PLEKHA5: variants seen among roughly 807,000 people sequenced by gnomAD.
The protein encoded by PLEKHA5 is pleckstrin homology domain containing A5, also known as pleckstrin homology domain-containing family A member 5.
In PLEKHA5, 55 loss-of-function variants were observed where a neutral mutation model predicts 181.9. The observed-to-expected ratio is 0.30, with a 90% CI of 0.24 to 0.38. The LOEUF is 0.38. PLEKHA5 is among the 10% of genes least tolerant of loss of function. The pLI is 1.00. For synonymous variants in PLEKHA5, 535 were observed against 529.4 expected (o/e 1.01, Z -0.15); for missense variants, 1,432 against 1,549.5 (o/e 0.92, Z 1.27).
intron 3 of PLEKHA5, among the ~76,000 whole-genome samples, chr12:19,159,102 T>C (rs2042400014): frequency 6.6e-6 from 1 of 152,178 alleles, no homozygotes; most frequent in African/African-American, 2.4e-5. Context: ...TCTCAGCCTC[T>C]GTCATAAAAA....
chr12:19,205,768 C>T (rs2055308706), intron 3 of PLEKHA5, among the ~76,000 whole-genome samples: 1 of 151,988 alleles, frequency 6.6e-6, no homozygotes, highest in African/African-American at 2.4e-5. Context: ...TTTTTTTGGA[C>T]AGTATAGCAT....
chr12:19,235,684 C>G (rs1351319050), intron 3 of PLEKHA5, among the ~76,000 whole-genome samples: 1 of 152,182 alleles, frequency 6.6e-6, no homozygotes, highest in Non-Finnish European at 1.5e-5. Context: ...CTGGGGTCAT[C>G]TGACTTCATA....
intron 20 of PLEKHA5, among the ~76,000 whole-genome samples, chr12:19,334,130 TACCC>T (rs1210386386): frequency 6.6e-6 from 1 of 152,170 alleles, no homozygotes; most frequent in African/African-American, 2.4e-5. Context: ...TTTAATGAAA[TACCC>T]AGCCAGATGT....
intron 3 of PLEKHA5, among the ~76,000 whole-genome samples, chr12:19,249,831 G>GGTCTCAAACT (rs2064789698): frequency 6.6e-6 from 1 of 152,116 alleles, no homozygotes; most frequent in Non-Finnish European, 1.5e-5. Flanking sequence ...ATTGTTTTCT[G>GGTCTCAAACT]CTACCTCTGT....
At chr12:19,134,997 G>T (rs562552816) in intron 3 of PLEKHA5, among the ~76,000 whole-genome samples, 110 of 152,222 alleles carry the variant, frequency 7.2e-4, no homozygotes, top group Non-Finnish European at 1.1e-3. Flanking sequence ...GGTTATCGGG[G>T]TGGATTTTGT....
chr12:19,255,870 AC>A (rs1006613209), intron 5 of PLEKHA5, among the ~76,000 whole-genome samples: 2 of 150,994 alleles, frequency 1.3e-5, no homozygotes, highest in Non-Finnish European at 1.5e-5. Context: ...TAAGAAAAAA[AC>A]AATGGAAGAT....
At chr12:19,206,185 A>G (rs2055438777) in intron 3 of PLEKHA5, among the ~76,000 whole-genome samples, 1 of 151,948 alleles carries the variant, frequency 6.6e-6, no homozygotes, top group African/African-American at 2.4e-5. Context: ...TCTTATTTAA[A>G]TGTTTTGTGA....
intron 3 of PLEKHA5, among the ~76,000 whole-genome samples, chr12:19,224,510 A>G (rs888028829): frequency 3.3e-5 from 5 of 152,196 alleles, no homozygotes; most frequent in Admixed American, 2.0e-4. Context: ...ACATTATCCC[A>G]AGGAACACCT....
Position 19,191,128 on chromosome 12 carries a change from T to G in PLEKHA5, c.227+58678T>G, listed in dbSNP as rs942305475. Among the ~76,000 whole-genome samples the G allele has an allele frequency of 2.0e-5, 3 of 152,240 alleles. 1 individual carries two copies. Among genetic ancestry groups the G allele is most frequent in the South Asian group, 4.1e-4 (2 of 4,826 alleles). ...CTAAAATGAAAATACTTTCTTCCCT[T>G]TACCACCTATACCTTCTCTTCTGTT... On this transcript the variant is annotated intron_variant, in intron 3 of 31. Coordinates refer to ENST00000429027, the MANE Select transcript of PLEKHA5 (RefSeq NM_001256470.2).
chr12:19,254,559 G>A (rs961051941), intron 4 of PLEKHA5, among the ~76,000 whole-genome samples: 3 of 152,084 alleles, frequency 2.0e-5, no homozygotes, highest in African/African-American at 4.8e-5. Context: ...AGTGGCTCAC[G>A]CCTGTAATCC....
At chr12:19,219,515 CTTT>C (rs11293939) in intron 3 of PLEKHA5, among the ~76,000 whole-genome samples, 15 of 143,334 alleles carry the variant, frequency 1.0e-4, no homozygotes, top group African/African-American at 2.6e-4. Context: ...TGTTTCCCTT[CTTT>C]TTTTTTTTTT....
In PLEKHA5 at chr12:19,366,121, A is replaced by G. The variant is rs1202239000; in HGVS notation, c.3754+12A>G. The stretch of plus-strand genomic sequence containing the variant: ...TCAAACAATGGCAGGTAGGTAGTAT[A>G]CACTTCATAATTTTCTACCTGGTGC... On this transcript the variant is annotated intron_variant, in intron 30 of 31. Transcript: ENST00000429027. 2 of 1,591,488 alleles carry G rather than the reference A, an allele frequency of 1.3e-6. No homozygotes were observed. The highest frequency in any genetic ancestry group is 3.7e-5 in the Admixed American group (2 of 54,630).
intron 3 of PLEKHA5, among the ~76,000 whole-genome samples, chr12:19,137,517 G>T (rs191450763): frequency 2.2e-4 from 34 of 152,202 alleles, no homozygotes; most frequent in African/African-American, 8.2e-4. Context: ...AAACAACTAC[G>T]AACTATGATC....
intron 15 of PLEKHA5, among the ~76,000 whole-genome samples, chr12:19,302,906 ATTTTTTTTTTT>A (rs34702332): frequency 1.4e-3 from 77 of 54,004 alleles, no homozygotes; most frequent in Admixed American, 2.3e-3. Flanking sequence ...TCTGTATGAA[ATTTTTTTTTTT>A]TTTTTTTTTT....
intron 4 of PLEKHA5, among the ~76,000 whole-genome samples, chr12:19,254,640 G>A (rs994282340): frequency 1.1e-4 from 16 of 141,428 alleles, no homozygotes; most frequent in African/African-American, 4.1e-4. Context: ...GGCCAACATG[G>A]TGAAACCCTG....
chr12:19,204,763 A>G (rs920855031), intron 3 of PLEKHA5, among the ~76,000 whole-genome samples: 1 of 152,160 alleles, frequency 6.6e-6, no homozygotes, highest in Non-Finnish European at 1.5e-5. Context: ...TTTAATAAAT[A>G]CATTGAACAT....
chr12:19,296,573 G>A (rs760124988), intron 15 of PLEKHA5, among the ~76,000 whole-genome samples: 11 of 151,780 alleles, frequency 7.2e-5, no homozygotes, highest in Admixed American at 2.0e-4. Context: ...TGTATTCAGT[G>A]TGCAAACCTC....
intron 20 of PLEKHA5, among the ~76,000 whole-genome samples, chr12:19,333,116 C>T (rs2093011046): frequency 6.6e-6 from 1 of 152,080 alleles, no homozygotes; most frequent in Admixed American, 6.6e-5. Flanking sequence ...GAAACCCCGT[C>T]TCTACTAAAA....
At chr12:19,137,776 C>G (rs976523208) in intron 3 of PLEKHA5, among the ~76,000 whole-genome samples, 5 of 152,098 alleles carry the variant, frequency 3.3e-5, no homozygotes. Flanking sequence ...CTGCTTAGGG[C>G]CAGGTTTGCT....
Sources: allele counts gnomAD v4.1 joint callset (sites outside exome capture counted in the v4.1 genomes callset), GRCh38; gene constraint gnomAD v4.1.1; transcripts MANE v1.5; gene names NCBI Gene and HGNC (gene_info 2026-07-23, HGNC 2026-07-21).